The following HTT variants were observed in gnomAD, a reference collection of about 807,000 sequenced individuals.
HTT encodes the protein huntington disease protein.
HTT carries 104 observed loss-of-function variants against 362.3 expected under a neutral mutation model. The ratio of observed to expected loss-of-function variants is 0.29; its 90% CI spans 0.24 to 0.34. The LOEUF (loss-of-function observed/expected upper bound fraction) is 0.34, where lower values mean the gene tolerates loss of function less well. Among genes scored for constraint, HTT ranks in the 10% least tolerant of loss-of-function variants. The pLI, the probability that HTT is intolerant of heterozygous loss-of-function variation, is 1.00. For missense variants in HTT, 3,301 were observed against 3,928.6 expected (o/e 0.84, Z 4.27); for synonymous variants, 1,577 against 1,548.7 (o/e 1.02, Z -0.43).
intron 8 of HTT, among the ~76,000 whole-genome samples, chr4:3,117,962 A>G (rs1486082215): frequency 6.6e-6 from 1 of 152,246 alleles, no homozygotes; most frequent in Non-Finnish European, 1.5e-5. Flanking sequence ...TGGAATCAGC[A>G]TCTAAATAAA....
At chr4:3,181,229 C>A (rs10020563) in intron 36 of HTT, among the ~76,000 whole-genome samples, 1,959 of 152,204 alleles carry the variant, frequency 0.013, 53 homozygotes, top group African/African-American at 0.045. Context: ...TCACCTGACT[C>A]CTGGTCTGAG....
chr4:3,194,437 T>G (rs2110256127), intron 40 of HTT, among the ~76,000 whole-genome samples: 1 of 152,356 alleles, frequency 6.6e-6, no homozygotes, highest in Middle Eastern at 3.4e-3. Context: ...TAGAAACAGA[T>G]GATGGCACCA....
At chr4:3,200,014 T>TAACGGTGGCCAAAGCTCA in intron 41 of HTT, 75 bp downstream of exon 41, 1 of 1,244,662 alleles carries the variant, frequency 8.0e-7, no homozygotes, top group Non-Finnish European at 1.1e-6. Flanking sequence ...ACCTGAGCTT[T>TAACGGTGGCCAAAGCTCA]GGCCACCGTT....
intron 2 of HTT, among the ~76,000 whole-genome samples, chr4:3,093,437 TG>T (rs1382276728): frequency 1.3e-5 from 2 of 152,216 alleles, no homozygotes; most frequent in African/African-American, 4.8e-5. Context: ...GTGAATTGTA[TG>T]ACAATAGCAT....
intron 52 of HTT, 31 bp from the exon 53 acceptor site, chr4:3,220,151 G>T (rs771105724): frequency 2.2e-5 from 35 of 1,613,376 alleles, no homozygotes; most frequent in Non-Finnish European, 2.9e-5. Flanking sequence ...GACTCAACTC[G>T]GATGATGTCA....
At position 3,074,930 on chromosome 4, in the gene HTT, G is replaced by GCAGCAGCAGCAGCAA. The variant is rs774733492; in HGVS notation, c.110_111insGCAGCAGCAACAGCA (p.Gln34_Gln38dup). On this transcript the variant is annotated inframe_insertion, in exon 1 of 67. Transcript: ENST00000355072. ...AGCAGCAGCAGCAGCAGCAGCAGCAGCAGCAACAGCCGCCACCGCCGCCGC... is the reference window on the plus strand; with the variant it reads ...AGCAGCAGCAGCAGCAGCAGCAGCAGCAGCAGCAGCAGCAACAGCAACAGCCGCCACCGCCGCCGC... The GCAGCAGCAGCAGCAA allele has an allele frequency of 9.7e-5, 126 of 1,302,640 alleles. 1 individual carries two copies. In the Middle Eastern group the frequency reaches 1.4e-3, roughly 15 times the overall value. 80.7% of individuals were successfully genotyped at this position (1,302,640 alleles called of 1,614,324 possible). A position where few individuals can be genotyped will look rare whatever the true frequency, so the allele number is the denominator to read the frequency against.
chr4:3,174,932 T>C lies in HTT; in HGVS notation c.4246-14T>C. 1 of 1,561,186 alleles carries C rather than the reference T, an allele frequency of 6.4e-7. No individual in the cohort carries two copies. Among genetic ancestry groups the C allele is most frequent in the South Asian group, 1.2e-5 (1 of 84,232 alleles). Reference sequence around the variant, plus strand: ...TACTTATGGATTCTTTCTTTCTTTTTTTCTTTTTTATAGAATGCTATTCAT... The same window carrying C: ...TACTTATGGATTCTTTCTTTCTTTTCTTCTTTTTTATAGAATGCTATTCAT... On this transcript the variant is annotated splice_polypyrimidine_tract_variant and intron_variant, in intron 32 of 66. Coordinates refer to ENST00000355072, the MANE Select transcript of HTT (RefSeq NM_001388492.1).
At chr4:3,128,469 A>G (rs1172187591) in intron 12 of HTT, 1 of 152,174 alleles carries the variant, frequency 6.6e-6, no homozygotes, top group Admixed American at 6.5e-5. Flanking sequence ...TGCATTTTAC[A>G]TTTTTTAAGG....
At chr4:3,142,062 A>G (rs1401446843) in intron 22 of HTT, among the ~76,000 whole-genome samples, 1 of 152,220 alleles carries the variant, frequency 6.6e-6, no homozygotes, top group African/African-American at 2.4e-5. Context: ...TACTTGGAAA[A>G]GTCTCCCAGT....
At position 3,228,706 on chromosome 4, in the gene HTT, C is replaced by T. The variant is rs764566369; in HGVS notation, c.7940C>T (p.Pro2647Leu). The T allele has an allele frequency of 6.2e-7, 1 of 1,608,796 alleles. No homozygotes were observed. The highest frequency in any genetic ancestry group is 1.3e-5 in the African/African-American group (1 of 74,766). ...GAAGAGGAGGAGGAGGCCGACGCCC[C>T]TGCACCTTCGTCACCACCCACGTCT... ...DEEEEEEADA[P>L]APSSPPTSPV... is the part of the protein sequence containing the mutation. The change falls in exon 58 of 67, where the codon CCT (proline) becomes CTT (leucine). Residue 2647 changes from proline to leucine, a missense_variant. Physicochemically the swap from Pro to Leu is moderately conservative, Grantham distance 98. Around this residue, in one of 4 missense-constraint regions of HTT, gnomAD observed 753 missense variants for 1,021.3 expected, o/e 0.74. Coordinates refer to ENST00000355072, the MANE Select transcript of HTT (RefSeq NM_001388492.1). The surrounding 1 kb of genome is among the most constrained non-coding windows in gnomAD (Gnocchi z 4.3).
chr4:3,146,883 C>A lies in HTT; in HGVS notation c.3230C>A (p.Ala1077Asp). The change falls in exon 25 of 67, where the codon GCT (alanine) becomes GAT (aspartate). Residue 1077 changes from alanine to aspartate, a missense_variant. This residue lies in a region of HTT where 2,316 missense variants were observed against 2,658.5 expected (regional missense o/e 0.87). Transcript: ENST00000355072. ...ATGATTCTGACCCTGCTCTCGTCAG[C>A]TTGGTTCCCATTGGATCTCTCAGCC... ...ATMILTLLSS[A>D]WFPLDLSAHQ... The A allele has an allele frequency of 6.2e-7, 1 of 1,614,182 alleles. No homozygotes were observed. The highest frequency in any genetic ancestry group is 8.5e-7 in the Non-Finnish European group (1 of 1,180,012).
intron 3 of HTT, among the ~76,000 whole-genome samples, chr4:3,100,162 A>G (rs1714081964): frequency 6.6e-6 from 1 of 152,178 alleles, no homozygotes; most frequent in Admixed American, 6.5e-5. Flanking sequence ...TATGAGTCTC[A>G]GTTTTCTTAA....
intron 50 of HTT, among the ~76,000 whole-genome samples, chr4:3,214,662 G>A (rs1208188980): frequency 6.6e-6 from 1 of 152,138 alleles, no homozygotes; most frequent in East Asian, 1.9e-4. Context: ...GCGTTTTGAA[G>A]CTTTGTATTT....
At chr4:3,226,359 A>G (rs1445242467) in intron 57 of HTT, among the ~76,000 whole-genome samples, 1 of 152,080 alleles carries the variant, frequency 6.6e-6, no homozygotes, top group African/African-American at 2.4e-5. Flanking sequence ...AATCTATAAC[A>G]TTTTAGGAGG....
At position 3,180,662 on chromosome 4, in the gene HTT, T is replaced by C; in HGVS notation, c.4749+11T>C. The C allele has an allele frequency of 1.2e-6, 2 of 1,610,034 alleles. No homozygotes were observed. The highest frequency in any genetic ancestry group is 1.7e-6 in the Non-Finnish European group (2 of 1,178,314). ...ATCCAGTACCATCAGGTAAGAGGAA[T>C]GTATGTTGGAACTGTCGTGGATACT... On this transcript the variant is annotated intron_variant, in intron 36 of 66. Coordinates refer to ENST00000355072, the MANE Select transcript of HTT (RefSeq NM_001388492.1).
chr4:3,205,678 T>C (rs1578587106), intron 42 of HTT, among the ~76,000 whole-genome samples: 1 of 152,146 alleles, frequency 6.6e-6, no homozygotes, highest in South Asian at 2.1e-4. Context: ...GATTTTCGGA[T>C]TTAGGGAGCT....
chr4:3,089,186 T>A (rs929369242), intron 2 of HTT, among the ~76,000 whole-genome samples: 1 of 152,160 alleles, frequency 6.6e-6, no homozygotes, highest in Non-Finnish European at 1.5e-5. Flanking sequence ...TGCATAGATA[T>A]GTTCATTAGC....
In HTT at chr4:3,186,726, C is replaced by G; in HGVS notation, c.4989+7C>G. 1.2e-6 allele frequency: 2 copies of G among 1,612,046 alleles called. No individual in the cohort carries two copies. The highest frequency in any genetic ancestry group is 1.7e-6 in the Non-Finnish European group (2 of 1,178,714). On this transcript the variant is annotated splice_region_variant and intron_variant, in intron 38 of 66. Coordinates refer to ENST00000355072, the MANE Select transcript of HTT (RefSeq NM_001388492.1). ...CGTCACTCCAAACACAATGGTGAGT[C>G]TCTCGCCTGGCTCAGCAGATGAATC...
At position 3,237,947 on chromosome 4, in the gene HTT, T is replaced by C. The variant is rs555869074; in HGVS notation, c.8892-500T>C. On this transcript the variant is annotated intron_variant, in intron 64 of 66. Coordinates refer to ENST00000355072, the MANE Select transcript of HTT (RefSeq NM_001388492.1). Reference sequence around the variant, plus strand: ...CACGAAGCGTTAGAACACATAGGGATGTTTGTGGAGCATTTGCATGTGGAA... The same window carrying C: ...CACGAAGCGTTAGAACACATAGGGACGTTTGTGGAGCATTTGCATGTGGAA... 2.0e-5 allele frequency among the ~76,000 whole-genome samples: 3 copies of C among 152,344 alleles called. No homozygotes were observed. In the South Asian group the frequency reaches 6.2e-4, roughly 32 times the overall value.
Sources: gnomAD v4.1 joint callset for allele counts (sites outside exome capture counted in the v4.1 genomes callset) on GRCh38, gnomAD v4.1.1 for gene constraint, gnomAD v4.1.1 regional missense constraint, Gnocchi (gnomAD v3.1) non-coding constraint, MANE v1.5 for transcripts, NCBI Gene and HGNC (gene_info 2026-07-23, HGNC 2026-07-21) for gene names.